CACNA2D1: variants seen among roughly 807,000 people sequenced by gnomAD.
CACNA2D1 encodes voltage-dependent calcium channel subunit alpha-2/delta-1.
CACNA2D1 carries 53 observed loss-of-function variants against 171.5 expected under a neutral mutation model. The ratio of observed to expected loss-of-function variants is 0.31; its 90% CI spans 0.25 to 0.39. CACNA2D1 has a LOEUF of 0.39. Ranked by LOEUF, CACNA2D1 falls within the 10% of genes least tolerant of loss-of-function variation. The pLI is 1.00. For missense variants in CACNA2D1, 903 were observed against 1,299.8 expected (o/e 0.69, Z 4.69); for synonymous variants, 442 against 443.1 (o/e 1.00, Z 0.03).
intron 1 of CACNA2D1, among the ~76,000 whole-genome samples, chr7:82,404,712 A>G (rs939976304): frequency 1.3e-5 from 2 of 152,184 alleles, no homozygotes; most frequent in African/African-American, 2.4e-5. Context: ...TATTAATTTT[A>G]CAACTGCAGA....
At chr7:82,278,761 T>G (rs1161628839) in intron 3 of CACNA2D1, among the ~76,000 whole-genome samples, 1 of 152,050 alleles carries the variant, frequency 6.6e-6, no homozygotes, top group Non-Finnish European at 1.5e-5. Flanking sequence ...TCCCCACATT[T>G]TTAGTTCTAT....
At chr7:82,430,183 G>T (rs958276043) in intron 1 of CACNA2D1, among the ~76,000 whole-genome samples, 1 of 152,032 alleles carries the variant, frequency 6.6e-6, no homozygotes, top group African/African-American at 2.4e-5. Context: ...TTGGGAAGCC[G>T]AGGCAGGCAG....
chr7:81,983,383 G>GTTAC, intron 22 of CACNA2D1, 49 bp from the exon 23 acceptor site: 1 of 1,475,138 alleles, frequency 6.8e-7, no homozygotes, highest in Non-Finnish European at 9.4e-7. Context: ...AAAAAAAAGA[G>GTTAC]GGTAAAGCAA....
Position 82,066,431 on chromosome 7 carries a change from T to G in CACNA2D1, c.728+24A>C, listed in dbSNP as rs1055188949. ...ATATCTTCTTGCCTATTTTATCTTT[T>G]CATGGCTAGCTAAAAATTCTTACCA... On this transcript the variant is annotated intron_variant, in intron 8 of 38. Coordinates refer to ENST00000356860, the MANE Select transcript of CACNA2D1 (RefSeq NM_000722.4). The G allele has an allele frequency of 5.6e-6, 9 of 1,610,998 alleles. 1 individual carries two copies. The African/African-American group carries it at 9.4e-5, about 17-fold the overall frequency.
At chr7:81,964,420 G>A (rs1376012353) in intron 32 of CACNA2D1, 61 bp from the exon 33 acceptor site, 21 of 1,305,034 alleles carry the variant, frequency 1.6e-5, no homozygotes, top group South Asian at 8.4e-5. Flanking sequence ...AAATGAACAC[G>A]GGAATCACCA....
chr7:82,011,956 T>C (rs370899741), intron 15 of CACNA2D1, 198 bp downstream of exon 15: 1 of 559,358 alleles, frequency 1.8e-6, no homozygotes. Context: ...GCTAACACTT[T>C]GCATTTGTAG....
intron 20 of CACNA2D1, among the ~76,000 whole-genome samples, chr7:81,991,701 A>T (rs1797554024): frequency 6.6e-6 from 1 of 152,204 alleles, no homozygotes; most frequent in Admixed American, 6.5e-5. Flanking sequence ...ATAAGAGGCT[A>T]CTCAGTATCA....
chr7:81,971,561 G>C lies in CACNA2D1; in HGVS notation c.2141+216C>G, dbSNP rs116190113. Reference sequence around the variant, plus strand: ...TAATTTGGTGTATTCACCCTGAAGTGTATGTGCATGAAAAGTTGAGTAATA... The same window carrying C: ...TAATTTGGTGTATTCACCCTGAAGTCTATGTGCATGAAAAGTTGAGTAATA... On this transcript the variant is annotated intron_variant, in intron 26 of 38. Coordinates refer to ENST00000356860, the MANE Select transcript of CACNA2D1 (RefSeq NM_000722.4). Among the ~76,000 whole-genome samples the C allele has an allele frequency of 8.0e-3, 1,214 of 151,700 alleles. 17 individuals carry two copies. Among genetic ancestry groups the C allele is most frequent in the African/African-American group, 0.027 (1,128 of 41,482 alleles).
chr7:82,171,947 A>T (rs1342815576), intron 3 of CACNA2D1, among the ~76,000 whole-genome samples: 1 of 151,950 alleles, frequency 6.6e-6, no homozygotes, highest in South Asian at 2.1e-4. Flanking sequence ...ATCCTTCTAG[A>T]CCAGTTTTTA....
At chr7:82,310,947 C>A (rs905987525) in intron 3 of CACNA2D1, among the ~76,000 whole-genome samples, 7 of 152,016 alleles carry the variant, frequency 4.6e-5, no homozygotes, top group African/African-American at 1.4e-4. Flanking sequence ...TTACAGAGGA[C>A]CCCTAAGGCA....
chr7:81,991,207 G>C lies in CACNA2D1; in HGVS notation c.1774C>G (p.Pro592Ala). The C allele has an allele frequency of 6.5e-7, 1 of 1,530,354 alleles. No homozygotes were observed. The highest frequency in any genetic ancestry group is 9.1e-7 in the Non-Finnish European group (1 of 1,104,058). 94.8% of individuals were successfully genotyped at this position (1,530,354 alleles called of 1,614,324 possible). ...TACCTGTAATCTGTGCCATTGACAG[G>C]TGTCCATGTGTATGTCCTGTTTCCT... is the stretch of plus-strand genomic sequence containing the variant. Reference protein sequence around the residue: ...DKGNRTYTWTPVNGTDYSLAL... With the variant: ...DKGNRTYTWTAVNGTDYSLAL... Residue 592 changes from proline to alanine, a missense_variant, in exon 21 of 39, where the codon CCT (proline) becomes GCT (alanine). Transcript: ENST00000356860.
At chr7:82,423,591 C>T (rs1401716489) in intron 1 of CACNA2D1, among the ~76,000 whole-genome samples, 1 of 152,100 alleles carries the variant, frequency 6.6e-6, no homozygotes, top group African/African-American at 2.4e-5. Flanking sequence ...CTTGTAGTTC[C>T]TCGTCAAATA....
intron 3 of CACNA2D1, among the ~76,000 whole-genome samples, chr7:82,269,635 T>C (rs1047175284): frequency 4.6e-5 from 7 of 152,168 alleles, no homozygotes; most frequent in Non-Finnish European, 7.3e-5. Context: ...GTGAGGTCCT[T>C]AAGGCAGACA....
chr7:81,986,215 T>A (rs867504714), intron 21 of CACNA2D1, among the ~76,000 whole-genome samples: 5 of 152,290 alleles, frequency 3.3e-5, no homozygotes, highest in Middle Eastern at 6.8e-3. Flanking sequence ...TCTAACTACT[T>A]TCCAAAAGTA....
chr7:82,189,758 A>G (rs1278655930), intron 3 of CACNA2D1, among the ~76,000 whole-genome samples: 1 of 151,890 alleles, frequency 6.6e-6, no homozygotes, highest in South Asian at 2.1e-4. Context: ...GGACAAAAAA[A>G]TTTGTGTAAG....
chr7:81,959,169 G>T (rs1196223492), intron 38 of CACNA2D1, 106 bp downstream of exon 38: 3 of 804,798 alleles, frequency 3.7e-6, no homozygotes, highest in Admixed American at 3.7e-5. Flanking sequence ...AAAAACTATG[G>T]TTAAGACATT....
chr7:82,106,620 T>C (rs1020270782), intron 6 of CACNA2D1, among the ~76,000 whole-genome samples: 1 of 152,152 alleles, frequency 6.6e-6, no homozygotes, highest in Non-Finnish European at 1.5e-5. Context: ...CCCTGAATAT[T>C]CTTATTCCAT....
chr7:82,001,568 T>G, intron 18 of CACNA2D1: 1 of 382,264 alleles, frequency 2.6e-6, no homozygotes. Flanking sequence ...AAAGGCAGCT[T>G]TAATTATAAG....
chr7:82,365,757 T>C (rs1311884601), intron 1 of CACNA2D1, among the ~76,000 whole-genome samples: 1 of 152,236 alleles, frequency 6.6e-6, no homozygotes, highest in Non-Finnish European at 1.5e-5. Context: ...TACTTCTAAA[T>C]ATTAGGTAGT....
Sources: allele counts gnomAD v4.1 joint callset (sites outside exome capture counted in the v4.1 genomes callset), GRCh38; gene constraint gnomAD v4.1.1; transcripts MANE v1.5; gene names NCBI Gene and HGNC (gene_info 2026-07-23, HGNC 2026-07-21).